SPEG: variants seen among roughly 807,000 people sequenced by gnomAD.
SPEG encodes striated muscle enriched protein kinase, also known as striated muscle preferentially expressed protein kinase.
A neutral mutation model predicts 300.4 loss-of-function variants in SPEG; 114 were observed. The observed-to-expected ratio is 0.38, with a 90% CI of 0.33 to 0.44. The LOEUF (loss-of-function observed/expected upper bound fraction) is 0.44, where lower values mean the gene tolerates loss of function less well. Ranked by LOEUF, SPEG falls within the 20% of genes least tolerant of loss-of-function variation. SPEG has a pLI of 1.00. For synonymous variants in SPEG, 1,964 were observed against 2,018.9 expected (o/e 0.97, Z 0.73); for missense variants, 4,201 against 4,586.2 (o/e 0.92, Z 2.43).
Position 219,434,933 on chromosome 2 carries a change from T to TG in SPEG, c.-43dup. Reference sequence around the variant, plus strand: ...GGGCACCGTCCCGCGGGTGCCCCCGTGGCCGCCCAGTTCCGGCGTCCCCCC... The same window carrying TG: ...GGGCACCGTCCCGCGGGTGCCCCCGTGGGCCGCCCAGTTCCGGCGTCCCCCC... On this transcript the variant is annotated 5_prime_UTR_variant, in exon 1 of 41. Transcript: ENST00000312358. 1.4e-6 allele frequency: 2 copies of TG among 1,440,682 alleles called. No individual in the cohort carries two copies. Among genetic ancestry groups the TG allele is most frequent in the Non-Finnish European group, 1.8e-6 (2 of 1,102,234 alleles). 89.2% of individuals were successfully genotyped at this position (1,440,682 alleles called of 1,614,324 possible).
At position 219,451,298 on chromosome 2, in the gene SPEG, C is replaced by G; in HGVS notation, c.2257+19C>G. Reference sequence around the variant, plus strand: ...CCCCAAGGTGAGCTCCAGCACTGGGCCAAGGTGCGGTCGAGGTTGGGAGGG... The same window carrying G: ...CCCCAAGGTGAGCTCCAGCACTGGGGCAAGGTGCGGTCGAGGTTGGGAGGG... On this transcript the variant is annotated intron_variant, in intron 5 of 40. Transcript: ENST00000312358. The surrounding 1 kb of genome is among the most constrained non-coding windows in gnomAD (Gnocchi z 6.4). 6.3e-7 allele frequency: 1 copy of G among 1,592,770 alleles called. No homozygotes were observed. The highest frequency in any genetic ancestry group is 8.5e-7 in the Non-Finnish European group (1 of 1,170,938).
chr2:219,449,175 G>A lies in SPEG; in HGVS notation c.2017G>A (p.Gly673Arg). The A allele has an allele frequency of 7.1e-7, 1 of 1,398,656 alleles. No homozygotes were observed. 86.6% of individuals were successfully genotyped at this position (1,398,656 alleles called of 1,614,324 possible). A position where few individuals can be genotyped will look rare whatever the true frequency, so the allele number is the denominator to read the frequency against. The change falls in exon 4 of 41, where the codon GGG becomes AGG. Residue 673 changes from glycine (G) to arginine (R), a missense_variant. This residue lies in a region of SPEG where 1,258 missense variants were observed against 1,293.9 expected (regional missense o/e 0.97). Coordinates refer to ENST00000312358, the MANE Select transcript of SPEG (RefSeq NM_005876.5). ...TGAGGCAGAGAAGAGGCTTCGCAGAGGGCCGGAGGAGGACGGTCCCTGGGG... is the reference window on the plus strand; with the variant it reads ...TGAGGCAGAGAAGAGGCTTCGCAGAAGGCCGGAGGAGGACGGTCCCTGGGG... The part of the protein sequence containing the change: ...GPEAEKRLRR[G>R]PEEDGPWGPW...
At position 219,458,209 on chromosome 2, in the gene SPEG, T is replaced by C. The variant is rs1351342354; in HGVS notation, c.2441-3673T>C. On this transcript the variant is annotated intron_variant, in intron 6 of 40. Transcript: ENST00000312358. The surrounding 1 kb of genome is among the most constrained non-coding windows in gnomAD (Gnocchi z 4.2). ...GAGTAGGCAGAGAGCCCCATGACTT[T>C]TCAAGCCCTTGAGCAACGTGGGTGA... Among the ~76,000 whole-genome samples the C allele has an allele frequency of 6.6e-6, 1 of 152,108 alleles. No individual in the cohort carries two copies. The highest frequency in any genetic ancestry group is 1.5e-5 in the Non-Finnish European group (1 of 68,040).
At position 219,484,954 on chromosome 2, in the gene SPEG, G is replaced by A. The variant is rs769229495; in HGVS notation, c.7491G>A (p.Glu2497=). ...LFGRLRRATS[E]GESLRRLGLP... ...GACGGCTTCGCAGGGCCACGTCCGA[G>A]GGCGAGAGTCTGCGGCGCCTTGGCC... The change falls in exon 30 of 41, where the codon GAG becomes GAA. Residue 2497 remains glutamate, a synonymous_variant. Coordinates refer to ENST00000312358, the MANE Select transcript of SPEG (RefSeq NM_005876.5). The A allele has an allele frequency of 3.3e-6, 5 of 1,529,482 alleles. No individual in the cohort carries two copies. The African/African-American group carries it at 6.9e-5, about 21-fold the overall frequency. 94.7% of individuals were successfully genotyped at this position (1,529,482 alleles called of 1,614,324 possible).
Position 219,451,384 on chromosome 2 carries a change from G to A in SPEG, c.2257+105G>A. ...TCCTCCAAGGGAGGGGTGGGAAAGA[G>A]GGGAATTATCCCCTCCACGGGGGCT... On this transcript the variant is annotated intron_variant, in intron 5 of 40. Coordinates refer to ENST00000312358, the MANE Select transcript of SPEG (RefSeq NM_005876.5). This position sits in a 1 kb window ranked among gnomAD's most constrained non-coding sequence, Gnocchi z 6.4. The A allele has an allele frequency of 2.1e-6, 3 of 1,443,730 alleles. No individual in the cohort carries two copies. The highest frequency in any genetic ancestry group is 2.8e-6 in the Non-Finnish European group (3 of 1,084,652). 89.4% of individuals were successfully genotyped at this position (1,443,730 alleles called of 1,614,324 possible).
At chr2:219,442,082 A>G in intron 1 of SPEG, 1 of 1,187,992 alleles carries the variant, frequency 8.4e-7, no homozygotes, top group Non-Finnish European at 1.1e-6. Flanking sequence ...AAGCGTTTCC[A>G]GGTGAGGGCT....
At chr2:219,442,613 T>A (rs931058594) in intron 1 of SPEG, among the ~76,000 whole-genome samples, 2 of 29,510 alleles carry the variant, frequency 6.8e-5, no homozygotes, top group Non-Finnish European at 1.4e-4. Flanking sequence ...CCATCATCCC[T>A]CCCCCACCCC....
At chr2:219,457,162 A>G (rs1043877306) in intron 6 of SPEG, among the ~76,000 whole-genome samples, 3 of 152,186 alleles carry the variant, frequency 2.0e-5, no homozygotes, top group Admixed American at 2.0e-4. Flanking sequence ...AGACATTTCA[A>G]GAACTGCCTG....
In SPEG at chr2:219,451,611, G is replaced by T. The variant is rs374104156; in HGVS notation, c.2258-14G>T. ...GTGGGCCGTGGCGAGCCGGGTCCCT[G>T]TGCCTCCCCACAGTGTCCTGGCACA... On this transcript the variant is annotated splice_polypyrimidine_tract_variant and intron_variant, in intron 5 of 40. Transcript: ENST00000312358. This position sits in a 1 kb window ranked among gnomAD's most constrained non-coding sequence, Gnocchi z 6.4. 1 of 1,523,216 alleles carries T rather than the reference G, an allele frequency of 6.6e-7. No individual in the cohort carries two copies. Among genetic ancestry groups the T allele is most frequent in the South Asian group, 1.3e-5 (1 of 79,944 alleles). 94.4% of individuals were successfully genotyped at this position (1,523,216 alleles called of 1,614,324 possible). A position where few individuals can be genotyped will look rare whatever the true frequency, so the allele number is the denominator to read the frequency against.
In SPEG at chr2:219,492,236, G is replaced by T. The variant is rs770996931; in HGVS notation, c.9587G>T (p.Arg3196Leu). The T allele has an allele frequency of 1.2e-6, 2 of 1,613,514 alleles. No homozygotes were observed. Among genetic ancestry groups the T allele is most frequent in the East Asian group, 2.2e-5 (1 of 44,862 alleles). The change falls in exon 40 of 41, where the codon CGA (arginine) becomes CTA (leucine). Residue 3196 changes from arginine (R) to leucine (L), a missense_variant. Physicochemically the swap from Arg to Leu is moderately radical, Grantham distance 102 (BLOSUM62 -2). Coordinates refer to ENST00000312358, the MANE Select transcript of SPEG (RefSeq NM_005876.5). ...NTSQSATLFL[R>L]KVLSVHPWSR... ...TCCCAGAGCGCCACCCTCTTCTTGC[G>T]AAAGGTTCTCTCTGTACATCCCTGG...
intron 31 of SPEG, 95 bp from the exon 32 acceptor site, chr2:219,488,099 C>T (rs1693610299): frequency 1.3e-6 from 1 of 758,132 alleles, no homozygotes; most frequent in Non-Finnish European, 2.2e-6. Context: ...CATGCTGCTT[C>T]CTGATGGCTG....
chr2:219,491,009 A>C, intron 38 of SPEG, 53 bp downstream of exon 38: 1 of 1,456,762 alleles, frequency 6.9e-7, no homozygotes, highest in Admixed American at 1.9e-5. Context: ...CCAGAGAGGC[A>C]GCAGCCAGGG....
chr2:219,472,962 G>A lies in SPEG; in HGVS notation c.4013G>A (p.Gly1338Asp), dbSNP rs1186107370. ...GSDQWTALVT[G>D]LREPGWAATG... ...GACCAGTGGACGGCACTGGTCACAG[G>A]CCTGCGGGAGCCAGGGTGGGCAGCC... Residue 1338 changes from glycine (G) to aspartate (D), a missense_variant, in exon 16 of 41, where the codon GGC becomes GAC. Around this residue, in one of 4 missense-constraint regions of SPEG, gnomAD observed 1,047 missense variants for 1,356.8 expected, o/e 0.77. Transcript: ENST00000312358. 1 of 1,613,776 alleles carries A rather than the reference G, an allele frequency of 6.2e-7. No individual in the cohort carries two copies. The highest frequency in any genetic ancestry group is 1.1e-5 in the South Asian group (1 of 91,076).
intron 6 of SPEG, among the ~76,000 whole-genome samples, chr2:219,452,939 G>C (rs1403570767): frequency 6.6e-6 from 1 of 152,212 alleles, no homozygotes; most frequent in African/African-American, 2.4e-5. Flanking sequence ...GGTCTGGCTT[G>C]TGCCACTGCA....
At chr2:219,482,655 G>A (rs776136071) in intron 28 of SPEG, 129 bp from the exon 29 acceptor site, 99 of 741,908 alleles carry the variant, frequency 1.3e-4, no homozygotes, top group Non-Finnish European at 2.2e-4. Flanking sequence ...ACCCCCAGGA[G>A]CCCAGACTCA....
In SPEG at chr2:219,491,815, A is replaced by T; in HGVS notation, c.9407A>T (p.Glu3136Val). The change falls in exon 39 of 41, where the codon GAA becomes GTA. Residue 3136 changes from glutamate to valine, a missense_variant. By Grantham distance (121) the Glu-to-Val change is moderately radical. This residue lies in a region of SPEG where 318 missense variants were observed against 429.5 expected (regional missense o/e 0.74). Coordinates refer to ENST00000312358, the MANE Select transcript of SPEG (RefSeq NM_005876.5). ...TCAGCTCCGGAGATGGTGAAGGGAG[A>T]ACCCATCGGCTCTGCCACGGACATC... ...EFMAPEMVKG[E>V]PIGSATDIWG... is the part of the protein sequence containing the mutation. The T allele has an allele frequency of 6.2e-7, 1 of 1,613,030 alleles. No homozygotes were observed. Among genetic ancestry groups the T allele is most frequent in the South Asian group, 1.1e-5 (1 of 91,032 alleles).
intron 10 of SPEG, 49 bp from the exon 11 acceptor site, chr2:219,468,529 C>T (rs1282300101): frequency 2.5e-6 from 4 of 1,588,600 alleles, no homozygotes; most frequent in Middle Eastern, 2.3e-4. Flanking sequence ...GTTGGGATGC[C>T]TGGGCCTCCT....
At position 219,489,449 on chromosome 2, in the gene SPEG, G is replaced by A; in HGVS notation, c.8431G>A (p.Ala2811Thr). Residue 2811 changes from alanine (A) to threonine (T), a missense_variant, in exon 36 of 41, where the codon GCC (alanine) becomes ACC (threonine). Coordinates refer to ENST00000312358, the MANE Select transcript of SPEG (RefSeq NM_005876.5). ...ACTGGCCCCACCCCTAGCTCCTGCT[G>A]CCCCCACACCCCCGTCAGTCACTGT... ...TSLAPPLAPA[A>T]PTPPSVTVSP... The A allele has an allele frequency of 6.2e-7, 1 of 1,603,104 alleles. No individual in the cohort carries two copies. The highest frequency in any genetic ancestry group is 1.1e-5 in the South Asian group (1 of 90,756).
At chr2:219,474,103 C>T (rs746998203) in intron 18 of SPEG, 200 bp downstream of exon 18, 25 of 584,874 alleles carry the variant, frequency 4.3e-5, no homozygotes, top group Admixed American at 1.6e-4. Context: ...ATTGGCCAGA[C>T]GCGGTGGCTC....
Sources: allele counts gnomAD v4.1 joint callset (sites outside exome capture counted in the v4.1 genomes callset), GRCh38; gene constraint gnomAD v4.1.1; regional missense constraint gnomAD v4.1.1; non-coding constraint Gnocchi (gnomAD v3.1); transcripts MANE v1.5; gene names NCBI Gene and HGNC (gene_info 2026-07-23, HGNC 2026-07-21).